Variants in DTNA observed in about 807,000 individuals in gnomAD.
DTNA encodes dystrobrevin alpha.
In DTNA, 43 loss-of-function variants were observed where a neutral mutation model predicts 100.7. The ratio of observed to expected loss-of-function variants is 0.43; its 90% confidence interval spans 0.33 to 0.55. DTNA has a LOEUF of 0.55. Among genes scored for constraint, DTNA ranks in the 20% least tolerant of loss-of-function variants. The pLI is 0.04. For missense variants in DTNA, 798 were observed against 953.9 expected (o/e 0.84, Z 2.15); for synonymous variants, 349 against 347.9 (o/e 1.00, Z -0.04).
In DTNA at chr18:34,888,402, C is replaced by T; in HGVS notation, c.*668C>T. On this transcript the variant is annotated 3_prime_UTR_variant, in exon 23 of 23. Coordinates refer to ENST00000444659, the MANE Select transcript of DTNA (RefSeq NM_001386795.1). Reference sequence around the variant, plus strand: ...TGGCCTGCACGGTCTGTAGTTGACTCCAAGTCTCTGTGAGCAGTGACTTGA... The same window carrying T: ...TGGCCTGCACGGTCTGTAGTTGACTTCAAGTCTCTGTGAGCAGTGACTTGA... The T allele has an allele frequency of 1.0e-6, 1 of 985,794 alleles. No homozygotes were observed. 61.1% of individuals were successfully genotyped at this position (985,794 alleles called of 1,614,324 possible). A position where few individuals can be genotyped will look rare whatever the true frequency, so the allele number is the denominator to read the frequency against.
intron 1 of DTNA, among the ~76,000 whole-genome samples, chr18:34,538,655 A>T (rs1413402268): frequency 6.6e-6 from 1 of 152,022 alleles, no homozygotes; most frequent in Non-Finnish European, 1.5e-5. Context: ...TAAATTTGGT[A>T]ATCCGTTAAA....
At chr18:34,564,369 C>A (rs1014792482) in intron 1 of DTNA, among the ~76,000 whole-genome samples, 3 of 152,172 alleles carry the variant, frequency 2.0e-5, no homozygotes, top group Non-Finnish European at 2.9e-5. Flanking sequence ...GTCTCGAATT[C>A]CTGACCTCAA....
intron 1 of DTNA, among the ~76,000 whole-genome samples, 199 bp downstream of exon 1, chr18:34,710,644 T>C (rs1280765358): frequency 1.3e-5 from 2 of 151,316 alleles, no homozygotes; most frequent in East Asian, 3.9e-4. Flanking sequence ...TTGTGAAATG[T>C]TATAGTTTTA....
At chr18:34,507,916 G>A (rs1012770017) in intron 1 of DTNA, among the ~76,000 whole-genome samples, 1 of 152,020 alleles carries the variant, frequency 6.6e-6, no homozygotes, top group South Asian at 2.1e-4. Flanking sequence ...ATCCTTGACT[G>A]GGTTTTTGGA....
At chr18:34,698,752 A>G (rs1666679280) in intron 1 of DTNA, among the ~76,000 whole-genome samples, 1 of 152,170 alleles carries the variant, frequency 6.6e-6, no homozygotes, top group Non-Finnish European at 1.5e-5. Flanking sequence ...GATGTAGGCC[A>G]GAAGACTAAA....
At chr18:34,678,002 C>T (rs1407045280) in intron 1 of DTNA, among the ~76,000 whole-genome samples, 2 of 152,108 alleles carry the variant, frequency 1.3e-5, no homozygotes, top group African/African-American at 4.8e-5. Flanking sequence ...AACTTACAGT[C>T]GTGGTGAAAG....
At chr18:34,860,975 A>T (rs2096617000) in intron 16 of DTNA, among the ~76,000 whole-genome samples, 1 of 152,160 alleles carries the variant, frequency 6.6e-6, no homozygotes, top group East Asian at 1.9e-4. Context: ...TAGTGTATAT[A>T]TTTATGTACT....
chr18:34,593,741 G>C (rs2050011031), intron 1 of DTNA, among the ~76,000 whole-genome samples: 1 of 152,208 alleles, frequency 6.6e-6, no homozygotes, highest in South Asian at 2.1e-4. Flanking sequence ...TTGCAAGTCT[G>C]TAACTTCAGT....
intron 1 of DTNA, among the ~76,000 whole-genome samples, chr18:34,748,900 G>T (rs566068276): frequency 6.6e-6 from 1 of 152,216 alleles, no homozygotes; most frequent in East Asian, 1.9e-4. Flanking sequence ...GGGCACAATG[G>T]TCATTTTCAC....
intron 1 of DTNA, among the ~76,000 whole-genome samples, chr18:34,598,402 G>A (rs1024302805): frequency 2.2e-4 from 33 of 152,110 alleles, no homozygotes; most frequent in African/African-American, 7.7e-4. Flanking sequence ...ATGGGAAAAT[G>A]TCAATGAGGC....
chr18:34,784,935 C>CTT (rs570123829), intron 3 of DTNA, among the ~76,000 whole-genome samples: 20 of 138,576 alleles, frequency 1.4e-4, no homozygotes, highest in African/African-American at 2.1e-4. Flanking sequence ...CTGAAATATT[C>CTT]TTTTTTTTTT....
intron 1 of DTNA, among the ~76,000 whole-genome samples, chr18:34,517,387 AAATATCAT>A (rs2041736736): frequency 6.6e-6 from 1 of 152,062 alleles, no homozygotes; most frequent in Non-Finnish European, 1.5e-5. Flanking sequence ...AACTGTAATA[AAATATCAT>A]AATGAGAAAA....
intron 1 of DTNA, among the ~76,000 whole-genome samples, chr18:34,594,461 A>T (rs969586567): frequency 6.6e-6 from 1 of 152,190 alleles, no homozygotes; most frequent in African/African-American, 2.4e-5. Flanking sequence ...TGGAAATTCT[A>T]CTTTATATGG....
intron 3 of DTNA, among the ~76,000 whole-genome samples, chr18:34,789,372 A>G (rs142546568): frequency 1.1e-3 from 174 of 152,346 alleles, no homozygotes; most frequent in African/African-American, 3.6e-3. Context: ...TTGCTGTCCT[A>G]CTTAAAACCC....
chr18:34,823,579 A>G (rs1483131897), intron 9 of DTNA, among the ~76,000 whole-genome samples: 1 of 152,250 alleles, frequency 6.6e-6, no homozygotes, highest in African/African-American at 2.4e-5. Context: ...ACACTTTATC[A>G]TTGAGTCTCT....
chr18:34,676,123 A>G (rs1020170144), intron 1 of DTNA, among the ~76,000 whole-genome samples: 5 of 152,166 alleles, frequency 3.3e-5, no homozygotes, highest in Non-Finnish European at 7.3e-5. Context: ...CCAATTTGTA[A>G]TAAACGTGTA....
intron 1 of DTNA, among the ~76,000 whole-genome samples, chr18:34,548,561 T>A (rs2045053329): frequency 6.6e-6 from 1 of 152,102 alleles, no homozygotes; most frequent in African/African-American, 2.4e-5. Flanking sequence ...TAAAAAGGCA[T>A]GTGCTTTGAT....
chr18:34,782,052 T>C (rs184395480), intron 3 of DTNA, among the ~76,000 whole-genome samples: 7 of 152,340 alleles, frequency 4.6e-5, no homozygotes, highest in African/African-American at 1.4e-4. Flanking sequence ...TGTGGAAAAC[T>C]ATGCCCAATA....
chr18:34,716,011 A>T (rs996743727), intron 1 of DTNA, among the ~76,000 whole-genome samples: 1 of 152,180 alleles, frequency 6.6e-6, no homozygotes. Context: ...GGGAACACAT[A>T]TACACTGCTA....
Sources: allele counts gnomAD v4.1 joint callset (sites outside exome capture counted in the v4.1 genomes callset), GRCh38; gene constraint gnomAD v4.1.1; transcripts MANE v1.5; gene names NCBI Gene and HGNC (gene_info 2026-07-23, HGNC 2026-07-21).